The following C12orf42 variants were observed in gnomAD, a reference collection of about 807,000 sequenced individuals.
The protein encoded by C12orf42 is chromosome 12 open reading frame 42, also known as uncharacterized protein C12orf42.
Under a neutral mutation model 21.6 loss-of-function variants are expected in C12orf42, and 25 were observed. The ratio of observed to expected loss-of-function variants is 1.16; its 90% confidence interval spans 0.84 to 1.62. C12orf42 has a LOEUF of 1.62. Among genes scored for constraint, C12orf42 ranks in the 40% most tolerant of loss-of-function variants. The pLI, the probability that C12orf42 is intolerant of heterozygous loss-of-function variation, is 0.00. For missense variants in C12orf42, 483 were observed against 459.3 expected (o/e 1.05, Z -0.47); for synonymous variants, 174 against 175.0 (o/e 0.99, Z 0.05).
At chr12:103,242,907 C>T (rs1198560396) in intron 10 of C12orf42, among the ~76,000 whole-genome samples, 3 of 152,088 alleles carry the variant, frequency 2.0e-5, no homozygotes, top group Non-Finnish European at 4.4e-5. Flanking sequence ...CCACTTAAAT[C>T]CAATTTTCAT....
At chr12:103,430,311 C>G (rs1950170934) in intron 2 of C12orf42, among the ~76,000 whole-genome samples, 1 of 152,162 alleles carries the variant, frequency 6.6e-6, no homozygotes, top group Non-Finnish European at 1.5e-5. Flanking sequence ...AGGATATGAA[C>G]AGACACTTAT....
At chr12:103,357,011 T>C (rs1317443159) in intron 4 of C12orf42, among the ~76,000 whole-genome samples, 2 of 151,596 alleles carry the variant, frequency 1.3e-5, no homozygotes, top group African/African-American at 2.4e-5. Flanking sequence ...ATGGATGAAA[T>C]TGGAAATCAT....
chr12:103,544,660 T>C, the C12orf42 span, among the ~76,000 whole-genome samples: 2 of 152,252 alleles, frequency 1.3e-5, no homozygotes, highest in Non-Finnish European at 2.9e-5. Context: ...GTCTATCTTA[T>C]GTGTCTCCTA....
chr12:103,246,351 T>G (rs2034009291), intron 10 of C12orf42, among the ~76,000 whole-genome samples: 1 of 152,046 alleles, frequency 6.6e-6, no homozygotes, highest in East Asian at 1.9e-4. Context: ...TCAAAGTGAC[T>G]TTTACTGAGG....
At chr12:103,402,944 A>T (rs979137466) in intron 2 of C12orf42, among the ~76,000 whole-genome samples, 1 of 152,214 alleles carries the variant, frequency 6.6e-6, no homozygotes, top group Non-Finnish European at 1.5e-5. Context: ...ATGCATTTGT[A>T]CTGCCTGTCA....
the C12orf42 span, among the ~76,000 whole-genome samples, chr12:103,206,385 A>AG: frequency 1.3e-5 from 2 of 152,222 alleles, no homozygotes; most frequent in Non-Finnish European, 2.9e-5. Context: ...TTATCTTTGC[A>AG]GAAAAATGAG....
intron 3 of C12orf42, among the ~76,000 whole-genome samples, chr12:103,377,626 A>C (rs2138112659): frequency 6.6e-6 from 1 of 152,220 alleles, no homozygotes; most frequent in South Asian, 2.1e-4. Context: ...CTTCTGGCCT[A>C]ATTTTGCCAG....
At chr12:103,118,772 TAAAAA>T in the C12orf42 span, among the ~76,000 whole-genome samples, 15 of 41,660 alleles carry the variant, frequency 3.6e-4, no homozygotes, top group African/African-American at 1.1e-3. Context: ...CACTCCAGCC[TAAAAA>T]AAAAAAAAAA....
intron 2 of C12orf42, among the ~76,000 whole-genome samples, chr12:103,434,450 C>T (rs911354472): frequency 1.3e-5 from 2 of 152,144 alleles, no homozygotes; most frequent in Non-Finnish European, 2.9e-5. Context: ...GCGTGAGGGA[C>T]GCAGAGGACG....
chr12:103,406,496 A>G (rs1332416117), intron 2 of C12orf42, among the ~76,000 whole-genome samples: 1 of 152,192 alleles, frequency 6.6e-6, no homozygotes, highest in Admixed American at 6.5e-5. Context: ...TCTGGTCACC[A>G]CTGTTTCTAA....
At chr12:103,454,830 C>T (rs1029831730) in intron 2 of C12orf42, among the ~76,000 whole-genome samples, 1 of 152,142 alleles carries the variant, frequency 6.6e-6, no homozygotes, top group Non-Finnish European at 1.5e-5. Flanking sequence ...CACAGCATGT[C>T]ACAACAATCT....
At chr12:103,528,157 T>C in the C12orf42 span, among the ~76,000 whole-genome samples, 2 of 152,202 alleles carry the variant, frequency 1.3e-5, no homozygotes, top group South Asian at 2.1e-4. Context: ...AAATGGAACA[T>C]TTAACAAATG....
At chr12:103,301,605 A>G (rs972020372), downstream of C12orf42, among the ~76,000 whole-genome samples, 1 of 152,196 alleles carries the variant, frequency 6.6e-6, no homozygotes, top group African/African-American at 2.4e-5. Flanking sequence ...CTGACATTAA[A>G]TCCTTAATAC....
At chr12:103,532,814 G>A in the C12orf42 span, among the ~76,000 whole-genome samples, 14 of 152,156 alleles carry the variant, frequency 9.2e-5, no homozygotes, top group East Asian at 1.9e-4. Context: ...GATGACCGCC[G>A]TAACCATTAC....
chr12:103,290,980 C>T (rs1264516127), intron 4 of C12orf42, among the ~76,000 whole-genome samples: 1 of 152,054 alleles, frequency 6.6e-6, no homozygotes, highest in Non-Finnish European at 1.5e-5. Flanking sequence ...CACCACTATG[C>T]TATACATGCA....
At chr12:103,173,541 C>T in the C12orf42 span, among the ~76,000 whole-genome samples, 1 of 152,138 alleles carries the variant, frequency 6.6e-6, no homozygotes, top group African/African-American at 2.4e-5. Flanking sequence ...CTGAGTGCCT[C>T]ATACTGTAAC....
chr12:103,271,974 C>A (rs1398187881), intron 5 of C12orf42, among the ~76,000 whole-genome samples: 1 of 152,064 alleles, frequency 6.6e-6, no homozygotes, highest in African/African-American at 2.4e-5. Context: ...TAATTGTGGA[C>A]CCATCATTTA....
intron 2 of C12orf42, among the ~76,000 whole-genome samples, chr12:103,462,226 A>G (rs987010834): frequency 3.6e-5 from 5 of 139,000 alleles, no homozygotes; most frequent in African/African-American, 1.3e-4. Context: ...TCCTGTCGCA[A>G]CCTCCTGAGT....
the C12orf42 span, among the ~76,000 whole-genome samples, chr12:103,087,700 A>AT: frequency 6.6e-6 from 1 of 152,230 alleles, no homozygotes; most frequent in South Asian, 2.1e-4. Flanking sequence ...GTAAAGACTT[A>AT]TTTTTATGAC....
Sources: gnomAD v4.1 joint callset for allele counts (sites outside exome capture counted in the v4.1 genomes callset) on GRCh38, gnomAD v4.1.1 for gene constraint, MANE v1.5 for transcripts, NCBI Gene and HGNC (gene_info 2026-07-23, HGNC 2026-07-21) for gene names.